HTR2C: variants seen among roughly 807,000 people sequenced by gnomAD.
HTR2C encodes the protein 5-hydroxytryptamine receptor 2C.
HTR2C carries 5 observed loss-of-function variants against 21.0 expected under a neutral mutation model. The observed-to-expected ratio is 0.24, with a 90% confidence interval of 0.12 to 0.50. The LOEUF (loss-of-function observed/expected upper bound fraction) is 0.50, where lower values mean the gene tolerates loss of function less well. Ranked by LOEUF, HTR2C falls within the 20% of genes least tolerant of loss-of-function variation. The probability of loss-of-function intolerance (pLI) is 0.98; values close to 1 mark genes in which losing one functional copy is unlikely to be tolerated. For missense variants in HTR2C, 271 were observed against 371.2 expected (o/e 0.73, Z 2.22); for synonymous variants, 150 against 145.3 (o/e 1.03, Z -0.23).
At chrX:114,891,963 A>C (rs1424360418) in intron 5 of HTR2C, among the ~76,000 whole-genome samples, 2 of 111,067 alleles carry the variant, frequency 1.8e-5, no homozygotes, top group Admixed American at 9.6e-5. Flanking sequence ...AATGTGGATA[A>C]TTTCTTTGAC....
intron 2 of HTR2C, among the ~76,000 whole-genome samples, chrX:114,726,170 C>T (rs1208958805): frequency 2.7e-5 from 3 of 112,468 alleles, no homozygotes; most frequent in East Asian, 5.7e-4. Context: ...CAGTGAGACT[C>T]CGTGGGCATA....
At chrX:114,635,361 T>C (rs1421369967) in intron 2 of HTR2C, among the ~76,000 whole-genome samples, 1 of 112,107 alleles carries the variant, frequency 8.9e-6, no homozygotes, top group Non-Finnish European at 1.9e-5. Context: ...ATGGAGTTGC[T>C]GTACTAAAAG....
chrX:114,665,075 C>A (rs1349487942), intron 2 of HTR2C, among the ~76,000 whole-genome samples: 5 of 111,991 alleles, frequency 4.5e-5, no homozygotes, highest in Non-Finnish European at 5.6e-5. Flanking sequence ...TGTGCAATGG[C>A]AGAACAGTGA....
At chrX:114,740,260 A>G (rs1320371865) in intron 4 of HTR2C, among the ~76,000 whole-genome samples, 5 of 109,949 alleles carry the variant, frequency 4.5e-5, no homozygotes, top group African/African-American at 1.7e-4. Context: ...AATAAATGAC[A>G]CCATGATACC....
intron 2 of HTR2C, among the ~76,000 whole-genome samples, chrX:114,707,240 T>G (rs1212569059): frequency 9.0e-6 from 1 of 110,577 alleles, no homozygotes; most frequent in Non-Finnish European, 1.9e-5. Context: ...GCATTTCTAT[T>G]CAAAATATCG....
intron 2 of HTR2C, among the ~76,000 whole-genome samples, chrX:114,654,176 C>A (rs1484399799): frequency 2.7e-5 from 3 of 109,427 alleles, no homozygotes; most frequent in African/African-American, 9.9e-5. Flanking sequence ...CTGTTTTCTG[C>A]TCTTTGCTTA....
intron 2 of HTR2C, among the ~76,000 whole-genome samples, chrX:114,696,691 A>G (rs1315757286): frequency 9.1e-6 from 1 of 110,104 alleles, no homozygotes; most frequent in Non-Finnish European, 1.9e-5. Flanking sequence ...GGACTCTATT[A>G]AGGATTTACA....
At chrX:114,882,988 C>A (rs1035592655) in intron 5 of HTR2C, among the ~76,000 whole-genome samples, 2 of 109,678 alleles carry the variant, frequency 1.8e-5, no homozygotes, top group Admixed American at 2.0e-4. Flanking sequence ...ATCTTTATGG[C>A]CATAAGTTAT....
chrX:114,677,765 T>G (rs1440422452), intron 2 of HTR2C, among the ~76,000 whole-genome samples: 1 of 111,316 alleles, frequency 9.0e-6, no homozygotes, highest in African/African-American at 3.3e-5. Flanking sequence ...AGACTAAGCT[T>G]CTTGCAATTG....
intron 4 of HTR2C, among the ~76,000 whole-genome samples, chrX:114,771,028 C>G (rs782321858): frequency 9.0e-6 from 1 of 110,991 alleles, no homozygotes; most frequent in African/African-American, 3.3e-5. Flanking sequence ...TCTCGAACTC[C>G]TGACCTCAAG....
intron 2 of HTR2C, among the ~76,000 whole-genome samples, chrX:114,645,712 A>G (rs1930337961): frequency 8.9e-6 from 1 of 111,868 alleles, no homozygotes; most frequent in Non-Finnish European, 1.9e-5. Flanking sequence ...TAAAAATGCA[A>G]AAGATTGTGG....
intron 2 of HTR2C, among the ~76,000 whole-genome samples, chrX:114,697,211 T>C (rs1932306151): frequency 8.9e-6 from 1 of 112,317 alleles, no homozygotes; most frequent in Admixed American, 9.5e-5. Context: ...TTCCCATTTA[T>C]CTGCTTTTGA....
At chrX:114,586,411 C>A (rs1187231626) in intron 1 of HTR2C, among the ~76,000 whole-genome samples, 1 of 111,493 alleles carries the variant, frequency 9.0e-6, no homozygotes, top group Non-Finnish European at 1.9e-5. Context: ...CCTGATCCTC[C>A]TGGGGAGGGA....
intron 4 of HTR2C, among the ~76,000 whole-genome samples, chrX:114,792,678 C>T (rs113866337): frequency 9.0e-6 from 1 of 111,603 alleles, no homozygotes; most frequent in African/African-American, 3.3e-5. Context: ...GTTCTAGATC[C>T]TTGAGGAATT....
At chrX:114,814,414 A>G (rs945901227) in intron 4 of HTR2C, among the ~76,000 whole-genome samples, 1 of 110,115 alleles carries the variant, frequency 9.1e-6, no homozygotes, top group Non-Finnish European at 1.9e-5. Context: ...CATCATAAGG[A>G]CTTTCCTGTG....
At chrX:114,680,899 C>T (rs1262996404) in intron 2 of HTR2C, among the ~76,000 whole-genome samples, 1 of 111,021 alleles carries the variant, frequency 9.0e-6, no homozygotes, top group Non-Finnish European at 1.9e-5. Context: ...TCCCTTTATC[C>T]TATTTGTTTC....
intron 4 of HTR2C, among the ~76,000 whole-genome samples, chrX:114,753,858 T>C (rs1164083485): frequency 8.9e-6 from 1 of 111,856 alleles, no homozygotes; most frequent in Non-Finnish European, 1.9e-5. Flanking sequence ...ATTAGTTTGT[T>C]AGAGCTGCCA....
intron 4 of HTR2C, among the ~76,000 whole-genome samples, chrX:114,748,612 A>C (rs942983162): frequency 5.4e-5 from 6 of 112,064 alleles, no homozygotes; most frequent in Non-Finnish European, 9.4e-5. Flanking sequence ...AATATAATCA[A>C]TTAATATTTT....
At chrX:114,728,962 G>T (rs868995762) in intron 3 of HTR2C, among the ~76,000 whole-genome samples, 78 of 112,094 alleles carry the variant, frequency 7.0e-4, no homozygotes, top group African/African-American at 2.3e-3. Context: ...TTGTCATTCT[G>T]CAATCAACAA....
Sources: allele counts gnomAD v4.1 joint callset (sites outside exome capture counted in the v4.1 genomes callset), GRCh38; gene constraint gnomAD v4.1.1; transcripts MANE v1.5; gene names NCBI Gene and HGNC (gene_info 2026-07-23, HGNC 2026-07-21).